Variants in DTX2 observed in about 807,000 individuals in gnomAD.
DTX2 encodes the protein probable E3 ubiquitin-protein ligase DTX2.
A neutral mutation model predicts 55.3 loss-of-function variants in DTX2; 29 were observed. The ratio of observed to expected loss-of-function variants is 0.52; its 90% CI spans 0.39 to 0.71. The LOEUF (loss-of-function observed/expected upper bound fraction) is 0.71. Ranked by LOEUF, DTX2 falls within the 30% of genes least tolerant of loss-of-function variation. DTX2 has a pLI of 0.00. For synonymous variants in DTX2, 276 were observed against 340.4 expected, an observed-to-expected ratio of 0.81 and a Z score of 2.08; for missense variants, 537 against 822.5, an observed-to-expected ratio of 0.65 and a Z score of 4.25.
chr7:76,482,112 C>G (rs1188132336), intron 3 of DTX2, among the ~76,000 whole-genome samples: 1 of 152,052 alleles, frequency 6.6e-6, no homozygotes, highest in Non-Finnish European at 1.5e-5. Context: ...AGATAGCAGA[C>G]AGGATAAATA....
In DTX2 at chr7:76,502,362, AG is replaced by A; in HGVS notation, c.1297del (p.Ala433GlnfsTer5). 1 of 1,612,324 alleles carries A rather than the reference AG, an allele frequency of 6.2e-7. No individual in the cohort carries two copies. The highest frequency in any genetic ancestry group is 8.5e-7 in the Non-Finnish European group (1 of 1,179,796). The stretch of plus-strand genomic sequence containing the variant: ...GGATACAGCGATGTGACTGACAGCA[AG>A]GCAATCGGGTCCCTAGCTGTGGGCC... ...ASGYSDVTDS[K>X]AIGSLAVGHL... is the part of the protein sequence containing the mutation. On this transcript the variant is annotated frameshift_variant, in exon 8 of 11. Transcript: ENST00000430490. LOFTEE classifies it high-confidence loss of function.
rs781338210 is a variant in DTX2 at position 76,505,104 on chromosome 7, C to T, written c.1642-270C>T. On this transcript the variant is annotated intron_variant, in intron 10 of 10. Coordinates refer to ENST00000430490, the MANE Select transcript of DTX2 (RefSeq NM_001102594.3). The surrounding 1 kb of genome is among the most constrained non-coding windows in gnomAD (Gnocchi z 4.4). ...AACGGCTGTGGAAGCAGGGAGGACTCGAGCATGGTGCCTGGGCATCAGGAC... is the reference window on the plus strand; with the variant it reads ...AACGGCTGTGGAAGCAGGGAGGACTTGAGCATGGTGCCTGGGCATCAGGAC... Among the ~76,000 whole-genome samples the T allele has an allele frequency of 1.3e-4, 20 of 151,862 alleles. No homozygotes were observed. The highest frequency in any genetic ancestry group is 2.5e-4 in the Non-Finnish European group (17 of 67,916).
intron 9 of DTX2, among the ~76,000 whole-genome samples, chr7:76,504,053 G>T (rs1396261520): frequency 6.8e-6 from 1 of 147,296 alleles, no homozygotes; most frequent in Non-Finnish European, 1.5e-5. Flanking sequence ...TAGCCCTTTC[G>T]GTCTCCTGTC....
intron 2 of DTX2, among the ~76,000 whole-genome samples, chr7:76,473,038 C>T (rs1313885190): frequency 1.3e-5 from 2 of 151,914 alleles, no homozygotes; most frequent in African/African-American, 4.8e-5. Flanking sequence ...TCTGTGTTGC[C>T]CAGGCTGGTC....
Position 76,490,995 on chromosome 7 carries a change from C to CT in DTX2, c.909-1139dup, listed in dbSNP as rs773754831. ...TCTAAACAGGTGCTATGAGAACCTGCTTTTTTTTTTTTTTTTTTTGAGACT... is the reference window on the plus strand; with the variant it reads ...TCTAAACAGGTGCTATGAGAACCTGCTTTTTTTTTTTTTTTTTTTTGAGACT... On this transcript the variant is annotated intron_variant, in intron 4 of 10. Transcript: ENST00000430490. Among the ~76,000 whole-genome samples the CT allele has an allele frequency of 4.5e-3, 288 of 63,368 alleles. 24 individuals are homozygous for CT. Among genetic ancestry groups the CT allele is most frequent in the African/African-American group, 0.012 (136 of 11,368 alleles). The allele number at this position is 63,368 out of a possible 152,430, so 41.6% of individuals were successfully genotyped here.
At chr7:76,477,666 C>A (rs62475650) in intron 2 of DTX2, among the ~76,000 whole-genome samples, 60,390 of 123,816 alleles carry the variant, frequency 0.49, 15,313 homozygotes, top group African/African-American at 0.57. Flanking sequence ...AGTATGGTGG[C>A]ACATGCCTGT....
rs1162113272 is a variant in DTX2, at chr7:76,505,758, C to G, written c.*157C>G. ...GCCGGGGCTCCCCCTGCCTGCCTCT[C>G]TCTCCTCCTCCCCTCTGGGAATTGG... On this transcript the variant is annotated 3_prime_UTR_variant, in exon 11 of 11. Transcript: ENST00000430490. The surrounding 1 kb of genome is among the most constrained non-coding windows in gnomAD (Gnocchi z 4.4). The G allele has an allele frequency of 1.3e-6, 1 of 755,806 alleles. No homozygotes were observed. Among genetic ancestry groups the G allele is most frequent in the Admixed American group, 2.6e-5 (1 of 38,924 alleles). The allele number at this position is 755,806 out of a possible 1,614,324, so 46.8% of individuals were successfully genotyped here.
chr7:76,500,929 T>C (rs1811594607), intron 7 of DTX2, among the ~76,000 whole-genome samples: 1 of 152,186 alleles, frequency 6.6e-6, no homozygotes, highest in Admixed American at 6.5e-5. Context: ...CTTATAATTT[T>C]TTTATTCTTA....
In DTX2 at chr7:76,505,965, G is replaced by T; in HGVS notation, c.*364G>T. 2.5e-6 allele frequency: 1 copy of T among 394,768 alleles called. No homozygotes were observed. Among genetic ancestry groups the T allele is most frequent in the Non-Finnish European group, 4.7e-6 (1 of 212,762 alleles). The allele number at this position is 394,768 out of a possible 1,614,324, so 24.5% of individuals were successfully genotyped here. On this transcript the variant is annotated 3_prime_UTR_variant, in exon 11 of 11. Coordinates refer to ENST00000430490, the MANE Select transcript of DTX2 (RefSeq NM_001102594.3). The surrounding 1 kb of genome is among the most constrained non-coding windows in gnomAD (Gnocchi z 4.4). ...GGTCAGCTTCTTTTACCTCAATTTTGTTTGCAATAAATGCTCTATAGCCAA... is the reference window on the plus strand; with the variant it reads ...GGTCAGCTTCTTTTACCTCAATTTTTTTTGCAATAAATGCTCTATAGCCAA...
At chr7:76,495,471 G>A (rs1433813201) in intron 5 of DTX2, among the ~76,000 whole-genome samples, 3 of 152,172 alleles carry the variant, frequency 2.0e-5, no homozygotes, top group African/African-American at 4.8e-5. Context: ...AGTTTGGGGG[G>A]CTGTCCCTAG....
chr7:76,502,483 C>T (rs751117493), intron 8 of DTX2, 27 bp downstream of exon 8: 38 of 1,604,848 alleles, frequency 2.4e-5, no homozygotes, highest in Admixed American at 5.0e-5. Context: ...AGGGCGGAGG[C>T]GGGTGGCCCG....
In DTX2 at chr7:76,499,609, C is replaced by G. The variant is rs575237115; in HGVS notation, c.1151-832C>G. ...GCCTCCACGGGTGGCACTGGGCTCC[C>G]CGTCCCTCTTTCACCCCCGCACGGG... On this transcript the variant is annotated intron_variant, in intron 6 of 10. Coordinates refer to ENST00000430490, the MANE Select transcript of DTX2 (RefSeq NM_001102594.3). Among the ~76,000 whole-genome samples the G allele has an allele frequency of 2.7e-5, 4 of 147,630 alleles. No individual in the cohort carries two copies. The East Asian group carries it at 8.1e-4, about 30-fold the overall frequency.
In DTX2 at chr7:76,481,925, T is replaced by A. The variant is rs148274129; in HGVS notation, c.269-583T>A. Reference sequence around the variant, plus strand: ...GTTGCCCAGGCTGGTCTTCAACTCCTGAGCTCAAGTGATCCTCCTGCCTTG... The same window carrying A: ...GTTGCCCAGGCTGGTCTTCAACTCCAGAGCTCAAGTGATCCTCCTGCCTTG... On this transcript the variant is annotated intron_variant, in intron 3 of 10. Coordinates refer to ENST00000430490, the MANE Select transcript of DTX2 (RefSeq NM_001102594.3). Among the ~76,000 whole-genome samples, 1,620 of 151,846 alleles carry A rather than the reference T, an allele frequency of 0.011. 76 individuals carry two copies. In the East Asian group the frequency reaches 0.13, roughly 12 times the overall value.
rs775032249 is a variant in DTX2 at position 76,480,745 on chromosome 7, T to A, written c.236T>A (p.Leu79His). The change falls in exon 3 of 11, where the codon CTC (leucine) becomes CAC (histidine). Residue 79 changes from leucine to histidine, a missense_variant. Transcript: ENST00000430490. Reference protein sequence around the residue: ...DPSLAPYIIDLPSWTQFRQDT... With the variant: ...DPSLAPYIIDHPSWTQFRQDT... ...TCGCTGGCCCCTTACATTATTGACC[T>A]CCCCAGCTGGACCCAGTTCCGCCAG... 18 of 1,610,794 alleles carry A rather than the reference T, an allele frequency of 1.1e-5. No individual in the cohort carries two copies. Among genetic ancestry groups the A allele is most frequent in the Non-Finnish European group, 1.3e-5 (15 of 1,178,086 alleles).
chr7:76,501,365 A>G (rs1811664082), intron 7 of DTX2: 6 of 444,514 alleles, frequency 1.3e-5, no homozygotes, highest in South Asian at 9.6e-5. Context: ...CCCTTGCCAC[A>G]TTCCCGCCTG....
intron 2 of DTX2, among the ~76,000 whole-genome samples, chr7:76,468,786 A>G (rs1807500975): frequency 1.1e-5 from 1 of 92,590 alleles, no homozygotes; most frequent in East Asian, 3.2e-4. Flanking sequence ...TTTTTGAGGC[A>G]GGGTCTAACT....
intron 8 of DTX2, chr7:76,502,898 G>A (rs2116621793): frequency 4.5e-6 from 1 of 222,118 alleles, no homozygotes; most frequent in Admixed American, 5.1e-5. Flanking sequence ...GTGGGAGCCA[G>A]GCCTTGAGGC....
intron 7 of DTX2, among the ~76,000 whole-genome samples, chr7:76,500,984 T>G (rs1811600568): frequency 6.6e-6 from 1 of 152,160 alleles, no homozygotes; most frequent in Non-Finnish European, 1.5e-5. Flanking sequence ...AGTGGCGTGA[T>G]CACAGCTCAC....
chr7:76,482,037 G>GAA (rs1809288672), intron 3 of DTX2, among the ~76,000 whole-genome samples: 1 of 152,114 alleles, frequency 6.6e-6, no homozygotes, highest in Admixed American at 6.5e-5. Flanking sequence ...TAGAGTCTGT[G>GAA]AAAACTGTGG....
Sources: gnomAD v4.1 joint callset for allele counts (sites outside exome capture counted in the v4.1 genomes callset) on GRCh38, gnomAD v4.1.1 for gene constraint, Gnocchi (gnomAD v3.1) non-coding constraint, MANE v1.5 for transcripts, NCBI Gene and HGNC (gene_info 2026-07-23, HGNC 2026-07-21) for gene names.